The following AGAP2 variants were observed in gnomAD, a reference collection of about 807,000 sequenced individuals.
AGAP2 encodes the protein ArfGAP with GTPase domain, ankyrin repeat and PH domain 2, also known as arf-GAP with GTPase, ANK repeat and PH domain-containing protein 2.
In AGAP2, 32 loss-of-function variants were observed where a neutral mutation model predicts 110.9. The observed-to-expected ratio is 0.29, with a 90% CI of 0.22 to 0.39. The LOEUF (loss-of-function observed/expected upper bound fraction) is 0.39. AGAP2 is among the 10% of genes least tolerant of loss of function. The pLI is 1.00. For synonymous variants in AGAP2, 702 were observed against 713.0 expected, an observed-to-expected ratio of 0.98 and a Z score of 0.25; for missense variants, 1,285 against 1,638.5, an observed-to-expected ratio of 0.78 and a Z score of 3.72.
Position 57,731,949 on chromosome 12 carries a change from T to C in AGAP2, c.1813A>G (p.Thr605Ala). ...GGGAGGGAAGAAGAGTAGTCGCTAG[T>C]GTGGCCCCCGTTACTAGCCTGGGCA... ...VAGQASNGGH[T>A]SDYSSSLPSS... is the part of the protein sequence containing the mutation. Residue 605 changes from threonine to alanine, a missense_variant, in exon 8 of 19, where the codon ACT becomes GCT. Thr to Ala is a moderately conservative substitution (Grantham distance 58). Transcript: ENST00000547588. The C allele has an allele frequency of 1.2e-6, 2 of 1,613,734 alleles. No homozygotes were observed. Among genetic ancestry groups the C allele is most frequent in the Non-Finnish European group, 1.7e-6 (2 of 1,179,976 alleles).
rs957135908 is a variant in AGAP2 at position 57,737,010 on chromosome 12, C to T, written c.1168+69G>A. ...AGCTTCCCTAGTTTCCTGGACCTCG[C>T]TCCTCCACCCCAAGCTGAGCATTCC... is the stretch of plus-strand genomic sequence containing the variant. On this transcript the variant is annotated intron_variant, in intron 1 of 18. Transcript: ENST00000547588. This position sits in a 1 kb window ranked among gnomAD's most constrained non-coding sequence, Gnocchi z 5.9. 1.4e-6 allele frequency: 2 copies of T among 1,448,938 alleles called. No homozygotes were observed. Among genetic ancestry groups the T allele is most frequent in the Non-Finnish European group, 1.8e-6 (2 of 1,099,286 alleles). The allele number at this position is 1,448,938 out of a possible 1,614,324, so 89.8% of individuals were successfully genotyped here. A position where few individuals can be genotyped will look rare whatever the true frequency, so the allele number is the denominator to read the frequency against.
chr12:57,736,576 A>T (rs1023972530), intron 1 of AGAP2, among the ~76,000 whole-genome samples: 1 of 152,192 alleles, frequency 6.6e-6, no homozygotes. Flanking sequence ...CCTTCACCGC[A>T]CGAAAAACAT....
rs759142223 is a variant in AGAP2 at position 57,731,901 on chromosome 12, G to A, written c.1861C>T (p.Arg621Trp). The change falls in exon 8 of 19, where the codon CGG (arginine) becomes TGG (tryptophan). Residue 621 changes from arginine to tryptophan, a missense_variant. By Grantham distance (101) the Arg-to-Trp change is moderately radical. Around this residue, in one of 7 missense-constraint regions of AGAP2, gnomAD observed 844 missense variants for 941.2 expected, o/e 0.90. Coordinates refer to ENST00000547588, the MANE Select transcript of AGAP2 (RefSeq NM_001122772.3). ...SLPSSPNVGH[R>W]ELRAEAAAVA... ...GCAGCTGCCTCGGCTCGGAGCTCCC[G>A]GTGACCAACATTCGGTGAGGACGGG... is the stretch of plus-strand genomic sequence containing the variant. 8.1e-6 allele frequency: 13 copies of A among 1,612,866 alleles called. No individual in the cohort carries two copies. Among genetic ancestry groups the A allele is most frequent in the South Asian group, 3.3e-5 (3 of 90,706 alleles).
At chr12:57,727,303 G>A in intron 17 of AGAP2, 57 bp downstream of exon 17, 1 of 1,608,674 alleles carries the variant, frequency 6.2e-7, no homozygotes, top group Non-Finnish European at 8.5e-7. Flanking sequence ...CCACGGGACC[G>A]TCTCAGGTTC....
In AGAP2 at chr12:57,731,871, C is replaced by T; in HGVS notation, c.1891G>A (p.Ala631Thr). 1.2e-6 allele frequency: 2 copies of T among 1,608,386 alleles called. No homozygotes were observed. Among genetic ancestry groups the T allele is most frequent in the African/African-American group, 1.3e-5 (1 of 74,986 alleles). The change falls in exon 8 of 19, where the codon GCT (alanine) becomes ACT (threonine). Residue 631 changes from alanine to threonine, a missense_variant. Ala to Thr is a moderately conservative substitution (Grantham distance 58, BLOSUM62 0). Coordinates refer to ENST00000547588, the MANE Select transcript of AGAP2 (RefSeq NM_001122772.3). ...AGGGACCCTGGGGTGCTCAATCCAGCCACTGCAGCTGCCTCGGCTCGGAGC... is the reference window on the plus strand; with the variant it reads ...AGGGACCCTGGGGTGCTCAATCCAGTCACTGCAGCTGCCTCGGCTCGGAGC... ...RELRAEAAAV[A>T]GLSTPGSLHR...
chr12:57,737,561 C>T lies in AGAP2; in HGVS notation c.686G>A (p.Gly229Glu). 1.9e-6 allele frequency: 3 copies of T among 1,550,622 alleles called. No homozygotes were observed. The highest frequency in any genetic ancestry group is 2.6e-6 in the Non-Finnish European group (3 of 1,147,854). Residue 229 changes from glycine to glutamate, a missense_variant, in exon 1 of 19, where the codon GGG becomes GAG. Gly to Glu is a moderately conservative substitution (Grantham distance 98, BLOSUM62 -2). Around this residue, in one of 7 missense-constraint regions of AGAP2, gnomAD observed 844 missense variants for 941.2 expected, o/e 0.90. Coordinates refer to ENST00000547588, the MANE Select transcript of AGAP2 (RefSeq NM_001122772.3). The surrounding 1 kb of genome is among the most constrained non-coding windows in gnomAD (Gnocchi z 5.9). ...PRVKGSKSSAGTGASVSAAAT... is the reference protein window; with the variant it reads ...PRVKGSKSSAETGASVSAAAT... ...GGCGGCAGAGACCGAAGCTCCAGTC[C>T]CGGCGCTGCTCTTTGACCCCTTGAC...
rs922336113 is a variant in AGAP2 at position 57,726,588 on chromosome 12, G to A, written c.3543C>T (p.Ser1181=). 8 of 1,204,482 alleles carry A rather than the reference G, an allele frequency of 6.6e-6. No individual in the cohort carries two copies. The highest frequency in any genetic ancestry group is 4.3e-5 in the Admixed American group (1 of 23,342). 74.6% of individuals were successfully genotyped at this position (1,204,482 alleles called of 1,614,324 possible). ...PSPRRRSSAA[S]VGRADAPVAL... ...CAACCGGGGCGTCGGCGCGGCCCACGCTAGCGGCGCTGCTCCGGCGGCGGG... is the reference window on the plus strand; with the variant it reads ...CAACCGGGGCGTCGGCGCGGCCCACACTAGCGGCGCTGCTCCGGCGGCGGG... The change falls in exon 19 of 19, where the codon AGC becomes AGT. Residue 1181 remains serine (S), a synonymous_variant. Coordinates refer to ENST00000547588, the MANE Select transcript of AGAP2 (RefSeq NM_001122772.3). This position sits in a 1 kb window ranked among gnomAD's most constrained non-coding sequence, Gnocchi z 5.7.
chr12:57,728,419 C>G (rs1954817066), intron 13 of AGAP2, 42 bp from the exon 14 acceptor site: 1 of 1,597,792 alleles, frequency 6.3e-7, no homozygotes, highest in Admixed American at 1.7e-5. Context: ...GAATGGAGAG[C>G]AGAACAGAGA....
upstream of AGAP2, chr12:57,742,001 T>C: frequency 6.2e-7 from 1 of 1,614,190 alleles, no homozygotes; most frequent in African/African-American, 1.3e-5. Flanking sequence ...GTTTAGAGCC[T>C]GCTTGGCCAC....
At chr12:57,728,640 G>T (rs1297106286) in intron 13 of AGAP2, among the ~76,000 whole-genome samples, 1 of 152,182 alleles carries the variant, frequency 6.6e-6, no homozygotes. Context: ...AGAGAGCAGG[G>T]GCAGCAGGGA....
chr12:57,736,631 A>T (rs1954987230), intron 1 of AGAP2, among the ~76,000 whole-genome samples: 1 of 152,184 alleles, frequency 6.6e-6, no homozygotes, highest in African/African-American at 2.4e-5. Flanking sequence ...CCCTGGCGAG[A>T]AGCTGCCTGC....
Position 57,737,249 on chromosome 12 carries a change from T to C in AGAP2, c.998A>G (p.Glu333Gly). Residue 333 changes from glutamate to glycine, a missense_variant, in exon 1 of 19, where the codon GAG becomes GGG. Coordinates refer to ENST00000547588, the MANE Select transcript of AGAP2 (RefSeq NM_001122772.3). This position sits in a 1 kb window ranked among gnomAD's most constrained non-coding sequence, Gnocchi z 5.9. The part of the protein sequence containing the change: ...PPAPGLKRGR[E>G]GGRASTRDRK... ...GTCACGAGTGGATGCTCGGCCCCCCTCCCGGCCCCGTTTCAGCCCCGGAGC... is the reference window on the plus strand; with the variant it reads ...GTCACGAGTGGATGCTCGGCCCCCCCCCCGGCCCCGTTTCAGCCCCGGAGC... The C allele has an allele frequency of 1.2e-6, 2 of 1,612,014 alleles. No individual in the cohort carries two copies. The highest frequency in any genetic ancestry group is 8.5e-7 in the Non-Finnish European group (1 of 1,179,408).
In AGAP2 at chr12:57,726,532, G is replaced by T. The variant is rs1388818638; in HGVS notation, c.*20C>A. 1.6e-6 allele frequency: 2 copies of T among 1,213,544 alleles called. No individual in the cohort carries two copies. Among genetic ancestry groups the T allele is most frequent in the Admixed American group, 3.9e-5 (1 of 25,516 alleles). 75.2% of individuals were successfully genotyped at this position (1,213,544 alleles called of 1,614,324 possible). ...GTGCCCGGCCCGCGTGGGGATGGGG[G>T]TGTCTCTCCCGCTGGGCAACTATAC... On this transcript the variant is annotated 3_prime_UTR_variant, in exon 19 of 19. Coordinates refer to ENST00000547588, the MANE Select transcript of AGAP2 (RefSeq NM_001122772.3). The surrounding 1 kb of genome is among the most constrained non-coding windows in gnomAD (Gnocchi z 5.7).
At chr12:57,733,377 G>C (rs940721244) in intron 5 of AGAP2, among the ~76,000 whole-genome samples, 6 of 152,076 alleles carry the variant, frequency 3.9e-5, no homozygotes, top group Non-Finnish European at 7.4e-5. Flanking sequence ...GGTGCCCATG[G>C]GTCATGGCTG....
rs1046512119 is a variant in AGAP2 at position 57,726,665 on chromosome 12, C to T, written c.3466G>A (p.Ala1156Thr). Reference sequence around the variant, plus strand: ...GTGGTGGCCGCGCTGGGCGTGGTGGCCGCGCTGCCGCCCTCACCCGGGCAG... The same window carrying T: ...GTGGTGGCCGCGCTGGGCGTGGTGGTCGCGCTGCCGCCCTCACCCGGGCAG... ...HGCPGEGGSA[A>T]TTPSAATTPS... The change falls in exon 19 of 19, where the codon GCC (alanine) becomes ACC (threonine). Residue 1156 changes from alanine to threonine, a missense_variant. This residue lies in a region of AGAP2 where 201 missense variants were observed against 276.1 expected (regional missense o/e 0.73). Transcript: ENST00000547588. The surrounding 1 kb of genome is among the most constrained non-coding windows in gnomAD (Gnocchi z 5.7). 8.3e-6 allele frequency: 10 copies of T among 1,208,342 alleles called. No homozygotes were observed. The African/African-American group carries it at 1.4e-4, about 17-fold the overall frequency. 74.9% of individuals were successfully genotyped at this position (1,208,342 alleles called of 1,614,324 possible).
At chr12:57,733,517 T>C (rs1032276144) in intron 5 of AGAP2, among the ~76,000 whole-genome samples, 1 of 152,200 alleles carries the variant, frequency 6.6e-6, no homozygotes, top group African/African-American at 2.4e-5. Context: ...TTCCTGGCCC[T>C]GGCAGAGTCT....
Position 57,738,037 on chromosome 12 carries a change from G to A in AGAP2, c.210C>T (p.Phe70=). Residue 70 remains phenylalanine (F), a synonymous_variant, in exon 1 of 19, where the codon TTC becomes TTT. Transcript: ENST00000547588. This position sits in a 1 kb window ranked among gnomAD's most constrained non-coding sequence, Gnocchi z 6.7. ...TGATCCACAGCGCATCCTGCCGGTGGAAGAGACGTTCGTGCCGCTTCTTGC... is the reference window on the plus strand; with the variant it reads ...TGATCCACAGCGCATCCTGCCGGTGAAAGAGACGTTCGTGCCGCTTCTTGC... ...EPGKKRHERL[F]HRQDALWIST... The A allele has an allele frequency of 6.6e-7, 1 of 1,520,604 alleles. No homozygotes were observed. Among genetic ancestry groups the A allele is most frequent in the Non-Finnish European group, 8.8e-7 (1 of 1,139,868 alleles). The allele number at this position is 1,520,604 out of a possible 1,614,324, so 94.2% of individuals were successfully genotyped here.
chr12:57,728,121 G>C (rs1268753869), intron 14 of AGAP2, 36 bp from the exon 15 acceptor site: 3 of 1,563,554 alleles, frequency 1.9e-6, no homozygotes, highest in African/African-American at 2.7e-5. Context: ...TTAAGGGACA[G>C]AGTTCAAGCA....
intron 6 of AGAP2, 52 bp downstream of exon 6, chr12:57,732,793 C>T (rs1315979670): frequency 1.2e-6 from 2 of 1,609,428 alleles, no homozygotes; most frequent in African/African-American, 2.7e-5. Flanking sequence ...CTGAGAATAT[C>T]CCAGGCCCCT....
Sources: allele counts gnomAD v4.1 joint callset (sites outside exome capture counted in the v4.1 genomes callset), GRCh38; gene constraint gnomAD v4.1.1; regional missense constraint gnomAD v4.1.1; non-coding constraint Gnocchi (gnomAD v3.1); transcripts MANE v1.5; gene names NCBI Gene and HGNC (gene_info 2026-07-23, HGNC 2026-07-21).